CGNL1: variants seen among roughly 807,000 people sequenced by gnomAD.
The protein encoded by CGNL1 is cingulin like 1.
A neutral mutation model predicts 141.2 loss-of-function variants in CGNL1; 132 were observed. That is an observed-to-expected ratio of 0.93 (90% confidence interval 0.81 to 1.08). CGNL1 has a LOEUF of 1.08. Ranked by LOEUF, CGNL1 falls within the 50% of genes least tolerant of loss-of-function variation. The pLI, the probability that CGNL1 is intolerant of heterozygous loss-of-function variation, is 0.00. For synonymous variants in CGNL1, 690 were observed against 622.1 expected, an observed-to-expected ratio of 1.11 and a Z score of -1.63; for missense variants, 1,870 against 1,588.6, an observed-to-expected ratio of 1.18 and a Z score of -3.01.
At chr15:57,424,667 A>T (rs557170582) in intron 1 of CGNL1, among the ~76,000 whole-genome samples, 1 of 152,318 alleles carries the variant, frequency 6.6e-6, no homozygotes, top group African/African-American at 2.4e-5. Context: ...AAGAACCAAG[A>T]TGGACAGAAC....
At chr15:57,446,665 CTTTT>C (rs11327140) in intron 4 of CGNL1, among the ~76,000 whole-genome samples, 1 of 116,708 alleles carries the variant, frequency 8.6e-6, no homozygotes, top group African/African-American at 3.2e-5. Context: ...CTGAACATTA[CTTTT>C]TTTTTTTTTT....
rs749954938 is a variant in CGNL1 at position 57,512,705 on chromosome 15, A to G, written c.2404-4075A>G. ...ACGCTAGGGTGCTAGTTAGGCCCCA[A>G]TCCAGGTTAAATCAGGTCTGGTTTT... On this transcript the variant is annotated intron_variant, in intron 8 of 18. Coordinates refer to ENST00000281282, the MANE Select transcript of CGNL1 (RefSeq NM_032866.5). Among the ~76,000 whole-genome samples, 7 of 152,162 alleles carry G rather than the reference A, an allele frequency of 4.6e-5. 1 individual carries two copies. The highest frequency in any genetic ancestry group is 2.1e-4 in the South Asian group (1 of 4,824).
chr15:57,464,755 CTT>C (rs1349848682), intron 8 of CGNL1, among the ~76,000 whole-genome samples: 1 of 97,084 alleles, frequency 1.0e-5, no homozygotes, highest in Non-Finnish European at 2.2e-5. Flanking sequence ...CTCTTTCCTT[CTT>C]TTTTTTTTTT....
rs59213732 is a variant in CGNL1, at chr15:57,383,292, C to CTTTTTTTTT, written c.-16+6730_-16+6738dup. The stretch of plus-strand genomic sequence containing the variant: ...TAACAAACTTAAGATTTCTTTCTTC[C>CTTTTTTTTT]TTTTTTTTTTTTTGTTTTTTTGATA... On this transcript the variant is annotated intron_variant, in intron 1 of 18. Coordinates refer to ENST00000281282, the MANE Select transcript of CGNL1 (RefSeq NM_032866.5). Among the ~76,000 whole-genome samples the CTTTTTTTTT allele has an allele frequency of 4.1e-3, 443 of 109,338 alleles. 1 individual carries two copies. The highest frequency in any genetic ancestry group is 4.8e-3 in the Non-Finnish European group (253 of 52,768). The allele number at this position is 109,338 out of a possible 152,430, so 71.7% of individuals were successfully genotyped here.
rs1027794369 is a variant in CGNL1 at position 57,423,186 on chromosome 15, A to G, written c.-15-14799A>G. Among the ~76,000 whole-genome samples the G allele has an allele frequency of 2.0e-5, 3 of 152,178 alleles. No individual in the cohort carries two copies. The South Asian group carries it at 6.2e-4, about 32-fold the overall frequency. On this transcript the variant is annotated intron_variant, in intron 1 of 18. Coordinates refer to ENST00000281282, the MANE Select transcript of CGNL1 (RefSeq NM_032866.5). ...CCATACCTCTTCAGCTGATCGTGTC[A>G]CACCCTTAGGGGCTCAGCTGAACTC...
intron 8 of CGNL1, among the ~76,000 whole-genome samples, chr15:57,503,715 G>A (rs1166272612): frequency 6.6e-6 from 1 of 152,140 alleles, no homozygotes; most frequent in Non-Finnish European, 1.5e-5. Flanking sequence ...CAGAATTATG[G>A]CAGGAGGCAA....
At chr15:57,537,601 C>T (rs1398916872) in intron 14 of CGNL1, among the ~76,000 whole-genome samples, 1 of 152,132 alleles carries the variant, frequency 6.6e-6, no homozygotes, top group Non-Finnish European at 1.5e-5. Context: ...GACCTCTTTA[C>T]AGCCCAATGA....
At chr15:57,479,744 A>G (rs892315352) in intron 8 of CGNL1, among the ~76,000 whole-genome samples, 2 of 152,280 alleles carry the variant, frequency 1.3e-5, no homozygotes, top group Non-Finnish European at 2.9e-5. Flanking sequence ...AAAACAAAAC[A>G]GGCAGAGCAG....
In CGNL1 at chr15:57,531,817, G is replaced by C. The variant is rs373860381; in HGVS notation, c.3291+38G>C. 4.6e-6 allele frequency: 6 copies of C among 1,311,258 alleles called. No homozygotes were observed. In the Admixed American group the frequency reaches 1.0e-4, roughly 22 times the overall value. The allele number at this position is 1,311,258 out of a possible 1,614,324, so 81.2% of individuals were successfully genotyped here. On this transcript the variant is annotated intron_variant, in intron 14 of 18. Transcript: ENST00000281282. Reference sequence around the variant, plus strand: ...AGGTGAATGATGCGTGGATTGTCCTGTGTGAAAAAGGAACATGAGGGGTTA... The same window carrying C: ...AGGTGAATGATGCGTGGATTGTCCTCTGTGAAAAAGGAACATGAGGGGTTA...
chr15:57,474,062 C>T lies in CGNL1; in HGVS notation c.2403+12170C>T, dbSNP rs554685200. Among the ~76,000 whole-genome samples the T allele has an allele frequency of 7.2e-5, 11 of 152,028 alleles. No homozygotes were observed. In the South Asian group the frequency reaches 1.7e-3, roughly 23 times the overall value. On this transcript the variant is annotated intron_variant, in intron 8 of 18. Transcript: ENST00000281282. The stretch of plus-strand genomic sequence containing the variant: ...CGTAGCTGGGACTACAGGTGTGTGC[C>T]ACCACGCCTGGCTAATTTTTGTATT...
chr15:57,534,655 A>G (rs1219154061), intron 14 of CGNL1, among the ~76,000 whole-genome samples: 1 of 152,216 alleles, frequency 6.6e-6, no homozygotes, highest in Admixed American at 6.5e-5. Context: ...CAGAAAAGGG[A>G]AACTTCAAAA....
chr15:57,519,902 C>T (rs539961662), intron 10 of CGNL1, among the ~76,000 whole-genome samples: 4 of 152,302 alleles, frequency 2.6e-5, no homozygotes, highest in South Asian at 2.1e-4. Context: ...TTCACACATA[C>T]GGAAGTGGTT....
chr15:57,519,867 C>T (rs7166915), intron 10 of CGNL1, among the ~76,000 whole-genome samples: 73,408 of 152,062 alleles, frequency 0.48, 18,405 homozygotes, highest in East Asian at 0.57. Flanking sequence ...CTCTCAGAAC[C>T]TTTCCTTTGG....
At chr15:57,469,635 TTC>T (rs1749751445) in intron 8 of CGNL1, among the ~76,000 whole-genome samples, 1 of 152,170 alleles carries the variant, frequency 6.6e-6, no homozygotes, top group Admixed American at 6.5e-5. Context: ...ATACTGTAAA[TTC>T]TTTCTGCCCA....
rs564187587 is a variant in CGNL1 at position 57,519,519 on chromosome 15, A to G, written c.2715+1022A>G. On this transcript the variant is annotated intron_variant, in intron 10 of 18. Coordinates refer to ENST00000281282, the MANE Select transcript of CGNL1 (RefSeq NM_032866.5). ...AAATCAGAAGCCTGTGCCTTCTCCT[A>G]CTCTTGGGACAAAACTCGTGTTTGC... Among the ~76,000 whole-genome samples, 153 of 152,148 alleles carry G rather than the reference A, an allele frequency of 1.0e-3. No individual in the cohort carries two copies. In the Middle Eastern group the frequency reaches 0.017, roughly 17 times the overall value.
chr15:57,386,469 A>C (rs2062484676), intron 1 of CGNL1, among the ~76,000 whole-genome samples: 5 of 152,222 alleles, frequency 3.3e-5, no homozygotes, highest in Admixed American at 1.3e-4. Context: ...GGGGCTCAAC[A>C]AAGAATATCT....
intron 12 of CGNL1, chr15:57,527,115 C>A (rs2031663199): frequency 6.6e-6 from 1 of 152,050 alleles, no homozygotes. Flanking sequence ...AGAAAATGTC[C>A]CATCACTGTT....
chr15:57,428,648 C>T (rs1305675282), intron 1 of CGNL1, among the ~76,000 whole-genome samples: 5 of 151,712 alleles, frequency 3.3e-5, no homozygotes, highest in South Asian at 2.1e-4. Context: ...AGGTGAGCCT[C>T]GAAGAAAGAA....
chr15:57,411,858 TGA>T (rs1352772789), intron 1 of CGNL1, among the ~76,000 whole-genome samples: 1 of 152,154 alleles, frequency 6.6e-6, no homozygotes, highest in East Asian at 1.9e-4. Flanking sequence ...AAAACCTCAC[TGA>T]GAGCCTTGGT....
Sources: allele counts gnomAD v4.1 joint callset (sites outside exome capture counted in the v4.1 genomes callset), GRCh38; gene constraint gnomAD v4.1.1; transcripts MANE v1.5; gene names NCBI Gene and HGNC (gene_info 2026-07-23, HGNC 2026-07-21).